Variants in GRM1 observed in about 807,000 individuals in gnomAD.
GRM1 encodes the protein metabotropic glutamate receptor 1.
Under a neutral mutation model 90.9 loss-of-function variants are expected in GRM1, and 33 were observed. The ratio of observed to expected loss-of-function variants is 0.36; its 90% confidence interval spans 0.28 to 0.49. The LOEUF (loss-of-function observed/expected upper bound fraction) is 0.49, where lower values mean the gene tolerates loss of function less well. Among genes scored for constraint, GRM1 ranks in the 20% least tolerant of loss-of-function variants. The pLI is 0.99. For synonymous variants in GRM1, 700 were observed against 613.2 expected (o/e 1.14, Z -2.09); for missense variants, 1,190 against 1,534.3 (o/e 0.78, Z 3.75).
intron 1 of GRM1, among the ~76,000 whole-genome samples, chr6:146,118,356 G>C (rs892094706): frequency 6.6e-6 from 1 of 151,924 alleles, no homozygotes; most frequent in Non-Finnish European, 1.5e-5. Context: ...AGCCAGGATG[G>C]CCTGGATCTC....
At chr6:146,217,627 C>T (rs1305231386) in intron 2 of GRM1, among the ~76,000 whole-genome samples, 2 of 152,114 alleles carry the variant, frequency 1.3e-5, no homozygotes, top group African/African-American at 4.8e-5. Context: ...TACTGTGTGC[C>T]AGGCACTGGG....
intron 1 of GRM1, among the ~76,000 whole-genome samples, chr6:146,148,342 A>G (rs535363632): frequency 1.3e-5 from 2 of 152,304 alleles, no homozygotes; most frequent in South Asian, 4.1e-4. Flanking sequence ...ACTATTGTTA[A>G]CATTTTTATA....
At chr6:146,349,306 C>G (rs978007357) in intron 3 of GRM1, among the ~76,000 whole-genome samples, 1 of 150,750 alleles carries the variant, frequency 6.6e-6, no homozygotes, top group Non-Finnish European at 1.5e-5. Context: ...TGGTCTCGAT[C>G]TCCTGACCTC....
chr6:146,358,685 A>G (rs1775330260), intron 5 of GRM1, among the ~76,000 whole-genome samples: 1 of 152,158 alleles, frequency 6.6e-6, no homozygotes, highest in Non-Finnish European at 1.5e-5. Flanking sequence ...CAGGGCAAGA[A>G]TCCAGTCATA....
At chr6:146,245,857 G>A (rs1326414184) in intron 2 of GRM1, among the ~76,000 whole-genome samples, 1 of 152,100 alleles carries the variant, frequency 6.6e-6, no homozygotes, top group Non-Finnish European at 1.5e-5. Flanking sequence ...TCTTTCAAAG[G>A]ATGTGACTTG....
chr6:146,078,737 TA>T (rs1180508784), intron 1 of GRM1, among the ~76,000 whole-genome samples: 1 of 152,218 alleles, frequency 6.6e-6, no homozygotes, highest in East Asian at 1.9e-4. Flanking sequence ...GGGATCACTT[TA>T]GTGATTCCAA....
intron 2 of GRM1, among the ~76,000 whole-genome samples, chr6:146,288,196 G>C (rs1215353103): frequency 6.6e-6 from 1 of 152,166 alleles, no homozygotes; most frequent in Non-Finnish European, 1.5e-5. Context: ...GTACTCTGGA[G>C]GGTGTGAGGA....
In GRM1 at chr6:146,139,798, CTT is replaced by C. The variant is rs1204569081; in HGVS notation, c.701-19549_701-19548del. Among the ~76,000 whole-genome samples the C allele has an allele frequency of 2.0e-5, 3 of 152,098 alleles. No homozygotes were observed. The East Asian group carries it at 5.8e-4, about 29-fold the overall frequency. On this transcript the variant is annotated intron_variant, in intron 1 of 7. Transcript: ENST00000282753. ...TCTTTTGATTGGAGTGTTTAGTCGA[CTT>C]AACATTCAGTGTTATTACTGACAAC...
rs570722295 is a variant in GRM1, at chr6:146,169,549, G to T, written c.950+9952G>T. On this transcript the variant is annotated intron_variant, in intron 2 of 7. Coordinates refer to ENST00000282753, the MANE Select transcript of GRM1 (RefSeq NM_001278064.2). ...AAAGACTGGAGGGAATCCCTCCAAA[G>T]ATTTGTTTTTCAACCCACTTTTCTC... Among the ~76,000 whole-genome samples the T allele has an allele frequency of 1.2e-4, 18 of 152,212 alleles. No homozygotes were observed. The South Asian group carries it at 3.7e-3, about 32-fold the overall frequency.
chr6:146,039,163 T>G (rs973641801), intron 1 of GRM1, among the ~76,000 whole-genome samples: 1 of 151,988 alleles, frequency 6.6e-6, no homozygotes, highest in African/African-American at 2.4e-5. Context: ...CTATTCAGTT[T>G]TGCTAAGTGC....
intron 6 of GRM1, among the ~76,000 whole-genome samples, chr6:146,396,718 C>T (rs373803497): frequency 1.1e-4 from 16 of 151,996 alleles, no homozygotes; most frequent in East Asian, 9.6e-4. Flanking sequence ...AAAGAAACAG[C>T]AAGGGAATAA....
chr6:146,262,902 C>T (rs146862328), intron 2 of GRM1, among the ~76,000 whole-genome samples: 152 of 151,876 alleles, frequency 1.0e-3, no homozygotes, highest in South Asian at 3.1e-3. Flanking sequence ...ATTAAATAAA[C>T]GACCTAATGC....
rs145354484 is a variant in GRM1, at chr6:146,198,283, C to G, written c.950+38686C>G. Among the ~76,000 whole-genome samples, 312 of 152,272 alleles carry G rather than the reference C, an allele frequency of 2.0e-3. 1 individual carries two copies. The highest frequency in any genetic ancestry group is 7.3e-3 in the African/African-American group (302 of 41,550). On this transcript the variant is annotated intron_variant, in intron 2 of 7. Transcript: ENST00000282753. Reference sequence around the variant, plus strand: ...GTCTATGGTAGTCTATAGTCATTGTCCAGGTTCCATCTGGTTTCTGCAAGA... The same window carrying G: ...GTCTATGGTAGTCTATAGTCATTGTGCAGGTTCCATCTGGTTTCTGCAAGA...
At chr6:146,142,486 T>G (rs769411000) in intron 1 of GRM1, among the ~76,000 whole-genome samples, 10 of 152,146 alleles carry the variant, frequency 6.6e-5, no homozygotes, top group Non-Finnish European at 1.0e-4. Context: ...TTCAGGGTGA[T>G]GAGTTCCCCC....
intron 1 of GRM1, among the ~76,000 whole-genome samples, chr6:146,094,034 C>T (rs1442832398): frequency 1.3e-5 from 2 of 151,962 alleles, no homozygotes; most frequent in East Asian, 3.9e-4. Flanking sequence ...CATTCTCTTT[C>T]GTTGATAGTG....
At chr6:146,136,849 CT>C (rs57774648) in intron 1 of GRM1, among the ~76,000 whole-genome samples, 2,125 of 90,882 alleles carry the variant, frequency 0.023, 10 homozygotes, top group Admixed American at 0.063. Context: ...TGTACAGAAG[CT>C]TTTTTTTTTT....
chr6:146,274,887 G>A (rs993470423), intron 2 of GRM1, among the ~76,000 whole-genome samples: 18 of 152,178 alleles, frequency 1.2e-4, no homozygotes, highest in Admixed American at 2.0e-4. Flanking sequence ...AAAATTAGCC[G>A]GGCTTGATGG....
Position 146,029,494 on chromosome 6 carries a change from G to C in GRM1, c.-24G>C, listed in dbSNP as rs1427994494. 1.3e-6 allele frequency: 2 copies of C among 1,583,536 alleles called. No homozygotes were observed. Among genetic ancestry groups the C allele is most frequent in the East Asian group, 2.2e-5 (1 of 44,726 alleles). ...ACCAGCGTGGGAACGCGGCTGGCAG[G>C]CTGTGGACCTCGTCCTCACCACCAT... On this transcript the variant is annotated 5_prime_UTR_variant, in exon 1 of 8. Coordinates refer to ENST00000282753, the MANE Select transcript of GRM1 (RefSeq NM_001278064.2).
At chr6:146,187,769 T>C (rs1778787904) in intron 2 of GRM1, among the ~76,000 whole-genome samples, 1 of 150,428 alleles carries the variant, frequency 6.6e-6, no homozygotes, top group Non-Finnish European at 1.5e-5. Context: ...TTAGCTATTT[T>C]GCTTTTTTAT....
Sources: allele counts gnomAD v4.1 joint callset (sites outside exome capture counted in the v4.1 genomes callset), GRCh38; gene constraint gnomAD v4.1.1; transcripts MANE v1.5; gene names NCBI Gene and HGNC (gene_info 2026-07-23, HGNC 2026-07-21).